PTPN14: variants seen among roughly 807,000 people sequenced by gnomAD.
The protein encoded by PTPN14 is protein tyrosine phosphatase non-receptor type 14.
In PTPN14, 53 loss-of-function variants were observed where a neutral mutation model predicts 126.8. That is an observed-to-expected ratio of 0.42 (90% CI 0.34 to 0.53). PTPN14 has a LOEUF of 0.53. Among genes scored for constraint, PTPN14 ranks in the 20% least tolerant of loss-of-function variants. The pLI, the probability that PTPN14 is intolerant of heterozygous loss-of-function variation, is 0.08. For synonymous variants in PTPN14, 630 were observed against 599.3 expected, an observed-to-expected ratio of 1.05 and a Z score of -0.75; for missense variants, 1,257 against 1,552.9, an observed-to-expected ratio of 0.81 and a Z score of 3.20.
intron 15 of PTPN14, among the ~76,000 whole-genome samples, chr1:214,375,123 T>C (rs1407297870): frequency 6.6e-6 from 1 of 152,220 alleles, no homozygotes; most frequent in Non-Finnish European, 1.5e-5. Flanking sequence ...TTGACAGTAC[T>C]TTCTAATTAT....
chr1:214,386,893 G>A lies in PTPN14; in HGVS notation c.1017C>T (p.Pro339=), dbSNP rs138976528. Residue 339 remains proline, a synonymous_variant, in exon 12 of 19, where the codon CCC becomes CCT. Coordinates refer to ENST00000366956, the MANE Select transcript of PTPN14 (RefSeq NM_005401.5). ...LPRQQPYILP[P]VHVQCGEHYS... ...AGTGCTCACCACACTGGACGTGAAC[G>A]GGAGGCAGGATGTACGGCTGCTGCC... 3.7e-5 allele frequency: 60 copies of A among 1,608,706 alleles called. No individual in the cohort carries two copies. In the Admixed American group the frequency reaches 5.8e-4, roughly 16 times the overall value.
chr1:214,496,553 C>T (rs1654519040), intron 1 of PTPN14, among the ~76,000 whole-genome samples: 1 of 152,158 alleles, frequency 6.6e-6, no homozygotes, highest in Non-Finnish European at 1.5e-5. Flanking sequence ...TTCAGCAGCA[C>T]CTTTATTTTC....
chr1:214,494,411 A>C (rs115590249), intron 1 of PTPN14, among the ~76,000 whole-genome samples: 152 of 152,248 alleles, frequency 1.0e-3, no homozygotes, highest in African/African-American at 3.5e-3. Flanking sequence ...TCTTGTTGTC[A>C]GCCCTATCAC....
Position 214,398,988 on chromosome 1 carries a change from C to T in PTPN14, c.670-987G>A, listed in dbSNP as rs577553945. The stretch of plus-strand genomic sequence containing the variant: ...TTCACCATGTTGGCCAGGATGGTCT[C>T]GATCTCTTGACCTCGTGATCCACCC... On this transcript the variant is annotated intron_variant, in intron 7 of 18. Transcript: ENST00000366956. 1.8e-3 allele frequency among the ~76,000 whole-genome samples: 272 copies of T among 149,234 alleles called. 1 individual carries two copies. Among genetic ancestry groups the T allele is most frequent in the African/African-American group, 6.5e-3 (262 of 40,542 alleles).
rs57429060 is a variant in PTPN14 at position 214,364,766 on chromosome 1, A to AGTGTGTGT, written c.3272-99_3272-92dup. ...GGGGAGCGGAAGAGAACTGATGGTG[A>AGTGTGTGT]GTGTGTGTGTGTGTGTGTGTGTGTG... is the stretch of plus-strand genomic sequence containing the variant. On this transcript the variant is annotated intron_variant, in intron 17 of 18. Coordinates refer to ENST00000366956, the MANE Select transcript of PTPN14 (RefSeq NM_005401.5). The surrounding 1 kb of genome is among the most constrained non-coding windows in gnomAD (Gnocchi z 4.1). The AGTGTGTGT allele has an allele frequency of 0.082, 48,345 of 588,136 alleles. 1,509 individuals are homozygous for AGTGTGTGT. The highest frequency in any genetic ancestry group is 0.14 in the African/African-American group (6,142 of 44,752). 36.4% of individuals were successfully genotyped at this position (588,136 alleles called of 1,614,324 possible). A position where few individuals can be genotyped will look rare whatever the true frequency, so the allele number is the denominator to read the frequency against.
At chr1:214,487,226 CAGGA>C in intron 1 of PTPN14, among the ~76,000 whole-genome samples, 1 of 5,618 alleles carries the variant, frequency 1.8e-4, no homozygotes, top group Non-Finnish European at 2.5e-4. Flanking sequence ...GAAGGAAAGA[CAGGA>C]ATTAAAGTGA....
intron 18 of PTPN14, among the ~76,000 whole-genome samples, chr1:214,362,358 T>C (rs1435336996): frequency 6.6e-6 from 1 of 152,236 alleles, no homozygotes; most frequent in Non-Finnish European, 1.5e-5. Context: ...AAGTTCTTTT[T>C]GGGTTGACCA....
At chr1:214,402,805 A>G in intron 6 of PTPN14, 78 bp downstream of exon 6, 1 of 1,487,456 alleles carries the variant, frequency 6.7e-7, no homozygotes, top group Non-Finnish European at 9.3e-7. Context: ...AGTTGCTGAT[A>G]GGGAGATGGA....
rs1303965779 is a variant in PTPN14 at position 214,551,293 on chromosome 1, G to A, written c.-265C>T. On this transcript the variant is annotated 5_prime_UTR_variant, in exon 1 of 19. Transcript: ENST00000366956. The stretch of plus-strand genomic sequence containing the variant: ...GATTCCAGTGACTGGCGGAGGAGGG[G>A]CGAAGGGAAGGAGCCGCAGGAGGCG... 1.3e-5 allele frequency: 2 copies of A among 152,458 alleles called. No homozygotes were observed. The highest frequency in any genetic ancestry group is 2.9e-5 in the Non-Finnish European group (2 of 68,202). The allele number at this position is 152,458 out of a possible 1,614,324, so 9.4% of individuals were successfully genotyped here. A position where few individuals can be genotyped will look rare whatever the true frequency, so the allele number is the denominator to read the frequency against.
intron 1 of PTPN14, among the ~76,000 whole-genome samples, chr1:214,502,141 T>C (rs1654719072): frequency 6.6e-6 from 1 of 152,138 alleles, no homozygotes; most frequent in Admixed American, 6.5e-5. Flanking sequence ...TGCATATATT[T>C]AATGCATAGA....
intron 13 of PTPN14, among the ~76,000 whole-genome samples, chr1:214,382,248 A>G (rs1370683693): frequency 6.6e-6 from 1 of 152,152 alleles, no homozygotes; most frequent in African/African-American, 2.4e-5. Flanking sequence ...CATTAGTAAG[A>G]GCAGATTCAC....
At chr1:214,530,040 G>A (rs1655500638) in intron 1 of PTPN14, 1 of 152,166 alleles carries the variant, frequency 6.6e-6, no homozygotes, top group Non-Finnish European at 1.5e-5. Flanking sequence ...ATACCTCATA[G>A]ATGCAGGTAT....
chr1:214,447,194 TCTGGAATC>T (rs1336137384), intron 3 of PTPN14, among the ~76,000 whole-genome samples: 1 of 152,052 alleles, frequency 6.6e-6, no homozygotes, highest in Non-Finnish European at 1.5e-5. Flanking sequence ...GAAACATTCC[TCTGGAATC>T]CTGCCCCACC....
chr1:214,505,088 T>C (rs1031762980), intron 1 of PTPN14, among the ~76,000 whole-genome samples: 1 of 151,616 alleles, frequency 6.6e-6, no homozygotes, highest in Non-Finnish European at 1.5e-5. Context: ...TGACAAGCAG[T>C]TGAAATTTGG....
At chr1:214,425,789 T>G (rs1480922766) in intron 3 of PTPN14, among the ~76,000 whole-genome samples, 2 of 152,202 alleles carry the variant, frequency 1.3e-5, no homozygotes, top group Non-Finnish European at 2.9e-5. Context: ...TTAACAATGA[T>G]AGCCCTTTGC....
intron 7 of PTPN14, among the ~76,000 whole-genome samples, chr1:214,399,177 C>T (rs994479162): frequency 6.6e-6 from 1 of 152,236 alleles, no homozygotes; most frequent in Non-Finnish European, 1.5e-5. Flanking sequence ...TCAAAACCCA[C>T]AGGCATCACA....
rs1658566077 is a variant in PTPN14, at chr1:214,384,648, A to C, written c.1207T>G (p.Phe403Val). The change falls in exon 13 of 19, where the codon TTC becomes GTC. Residue 403 changes from phenylalanine (F) to valine (V), a missense_variant. Physicochemically the swap from Phe to Val is conservative, Grantham distance 50. Around this residue, in one of 3 missense-constraint regions of PTPN14, gnomAD observed 1,021 missense variants for 1,183.3 expected, o/e 0.86. Transcript: ENST00000366956. The surrounding 1 kb of genome is among the most constrained non-coding windows in gnomAD (Gnocchi z 5.3). ...GAGGATACAGGGGAGGCCTGGATGA[A>C]ACTTTGCGAGCAGTTGAGGGAGTTG... ...SVNSLNCSQS[F>V]IQASPVSSNL... 1 of 1,614,000 alleles carries C rather than the reference A, an allele frequency of 6.2e-7. No homozygotes were observed. The highest frequency in any genetic ancestry group is 8.5e-7 in the Non-Finnish European group (1 of 1,180,010).
chr1:214,482,348 AAG>A (rs1661009324), intron 1 of PTPN14, among the ~76,000 whole-genome samples: 1 of 152,270 alleles, frequency 6.6e-6, no homozygotes, highest in Non-Finnish European at 1.5e-5. Context: ...TATTTAAACT[AAG>A]AGAAAAAAGT....
At chr1:214,492,874 G>C (rs964176738) in intron 1 of PTPN14, among the ~76,000 whole-genome samples, 22 of 151,286 alleles carry the variant, frequency 1.5e-4, no homozygotes, top group African/African-American at 4.9e-4. Flanking sequence ...TTCCAGCCCG[G>C]GCAAGAGAAC....
Sources: allele counts gnomAD v4.1 joint callset (sites outside exome capture counted in the v4.1 genomes callset), GRCh38; gene constraint gnomAD v4.1.1; regional missense constraint gnomAD v4.1.1; non-coding constraint Gnocchi (gnomAD v3.1); transcripts MANE v1.5; gene names NCBI Gene and HGNC (gene_info 2026-07-23, HGNC 2026-07-21).